Variants in THSD7B observed in about 807,000 individuals in gnomAD.
The protein encoded by THSD7B is thrombospondin type-1 domain-containing protein 7B.
A neutral mutation model predicts 213.6 loss-of-function variants in THSD7B; 138 were observed. The ratio of observed to expected loss-of-function variants is 0.65; its 90% CI spans 0.56 to 0.74. The LOEUF (loss-of-function observed/expected upper bound fraction) is 0.74, where lower values mean the gene tolerates loss of function less well. Ranked by LOEUF, THSD7B falls within the 30% of genes least tolerant of loss-of-function variation. The probability of loss-of-function intolerance (pLI) is 0.00; values close to 1 mark genes in which losing one functional copy is unlikely to be tolerated. For synonymous variants in THSD7B, 742 were observed against 687.0 expected, an observed-to-expected ratio of 1.08 and a Z score of -1.25; for missense variants, 1,931 against 1,991.5, an observed-to-expected ratio of 0.97 and a Z score of 0.58.
At chr2:137,435,544 A>G (rs1687273740) in intron 14 of THSD7B, among the ~76,000 whole-genome samples, 1 of 152,180 alleles carries the variant, frequency 6.6e-6, no homozygotes, top group East Asian at 1.9e-4. Context: ...GAAAATTAAC[A>G]GTTATCTTGA....
At chr2:137,169,012 A>AAACC (rs2104993136) in intron 6 of THSD7B, among the ~76,000 whole-genome samples, 1 of 151,936 alleles carries the variant, frequency 6.6e-6, no homozygotes, top group East Asian at 2.0e-4. Flanking sequence ...AGCACGGCAG[A>AAACC]AACCATTATT....
chr2:137,073,115 T>A (rs999311256), intron 3 of THSD7B, among the ~76,000 whole-genome samples: 2 of 152,194 alleles, frequency 1.3e-5, no homozygotes, highest in African/African-American at 4.8e-5. Flanking sequence ...GATGCTGGCC[T>A]CATAAAATGA....
At chr2:136,859,754 A>AT (rs1478902776) in intron 1 of THSD7B, among the ~76,000 whole-genome samples, 1 of 152,204 alleles carries the variant, frequency 6.6e-6, no homozygotes, top group East Asian at 1.9e-4. Flanking sequence ...GTTCTTTGGC[A>AT]TTTTTTAAAA....
intron 12 of THSD7B, among the ~76,000 whole-genome samples, chr2:137,305,760 C>G (rs1379692829): frequency 6.6e-5 from 10 of 152,022 alleles, no homozygotes; most frequent in South Asian, 2.1e-4. Context: ...AGGGATACTT[C>G]CTGGGAAATG....
intron 25 of THSD7B, among the ~76,000 whole-genome samples, chr2:137,661,284 A>G (rs570335173): frequency 3.7e-4 from 57 of 152,240 alleles, no homozygotes; most frequent in Non-Finnish European, 6.5e-4. Flanking sequence ...CTTAAAAATG[A>G]CCAGAAATTT....
At chr2:137,132,457 TGATAAGGCAAG>T (rs1408782932) in intron 5 of THSD7B, among the ~76,000 whole-genome samples, 1 of 152,162 alleles carries the variant, frequency 6.6e-6, no homozygotes, top group East Asian at 1.9e-4. Flanking sequence ...CCTTTCCTAC[TGATAAGGCAAG>T]GATACTTTCT....
chr2:137,652,178 TC>T (rs1191145697), intron 21 of THSD7B, among the ~76,000 whole-genome samples: 1 of 152,058 alleles, frequency 6.6e-6, no homozygotes, highest in East Asian at 1.9e-4. Context: ...TATTGAGATC[TC>T]TCTTTCTCTC....
At chr2:137,003,905 CATTTT>C in intron 2 of THSD7B, among the ~76,000 whole-genome samples, 6 of 152,248 alleles carry the variant, frequency 3.9e-5, no homozygotes, top group Admixed American at 3.9e-4. Flanking sequence ...GACTTTACCG[CATTTT>C]ATTTTTTCTA....
chr2:137,455,902 C>T (rs544560321), intron 15 of THSD7B, among the ~76,000 whole-genome samples: 52 of 152,170 alleles, frequency 3.4e-4, no homozygotes, highest in Non-Finnish European at 6.9e-4. Flanking sequence ...CCCTGTTGGA[C>T]TTACATTTCC....
intron 12 of THSD7B, among the ~76,000 whole-genome samples, chr2:137,395,480 T>G (rs1323831706): frequency 6.6e-6 from 1 of 150,648 alleles, no homozygotes; most frequent in East Asian, 2.0e-4. Context: ...GATTTGCATA[T>G]ATTGAACCAG....
intron 1 of THSD7B, among the ~76,000 whole-genome samples, chr2:136,768,195 A>T (rs577686459): frequency 6.6e-6 from 1 of 152,286 alleles, no homozygotes; most frequent in Admixed American, 6.5e-5. Flanking sequence ...CTTGCTACAG[A>T]TCCTATTTCT....
At chr2:136,815,882 T>C (rs946084595) in intron 1 of THSD7B, among the ~76,000 whole-genome samples, 4 of 152,120 alleles carry the variant, frequency 2.6e-5, no homozygotes, top group Admixed American at 2.6e-4. Flanking sequence ...TGTCAGAATT[T>C]TTTATTTTTA....
intron 10 of THSD7B, among the ~76,000 whole-genome samples, chr2:137,245,810 G>A (rs1682018427): frequency 6.6e-6 from 1 of 152,174 alleles, no homozygotes; most frequent in South Asian, 2.1e-4. Context: ...GTGTCCTTGA[G>A]AGTGTCCTTC....
intron 1 of THSD7B, among the ~76,000 whole-genome samples, chr2:136,853,130 C>G (rs1437997398): frequency 6.6e-6 from 1 of 152,058 alleles, no homozygotes; most frequent in Admixed American, 6.6e-5. Flanking sequence ...CAAGGACACT[C>G]TCTTATATTC....
chr2:137,631,957 G>A (rs1375010232), intron 20 of THSD7B, among the ~76,000 whole-genome samples: 1 of 152,080 alleles, frequency 6.6e-6, no homozygotes, highest in Non-Finnish European at 1.5e-5. Context: ...CTGATGCTAG[G>A]AGTATGTTAG....
At chr2:136,999,502 AT>A (rs1389074673) in intron 2 of THSD7B, among the ~76,000 whole-genome samples, 1 of 150,134 alleles carries the variant, frequency 6.7e-6, no homozygotes, top group Non-Finnish European at 1.5e-5. Context: ...ATTTTGACTT[AT>A]CCCTTTTGTG....
intron 10 of THSD7B, among the ~76,000 whole-genome samples, chr2:137,268,003 C>T (rs1427373051): frequency 2.0e-5 from 3 of 152,180 alleles, no homozygotes; most frequent in Admixed American, 6.5e-5. Flanking sequence ...GGGGCTGCCT[C>T]AGACTCTACT....
At chr2:137,320,169 C>G (rs1684230722) in intron 12 of THSD7B, among the ~76,000 whole-genome samples, 1 of 152,172 alleles carries the variant, frequency 6.6e-6, no homozygotes, top group Admixed American at 6.5e-5. Flanking sequence ...ATCTAGTTAA[C>G]TGATTAGACT....
At chr2:137,000,325 A>G (rs953026920) in intron 2 of THSD7B, among the ~76,000 whole-genome samples, 7 of 152,272 alleles carry the variant, frequency 4.6e-5, no homozygotes, top group African/African-American at 1.7e-4. Flanking sequence ...CCTATCACTC[A>G]GAGTTTAACT....
Sources: gnomAD v4.1 joint callset for allele counts (sites outside exome capture counted in the v4.1 genomes callset) on GRCh38, gnomAD v4.1.1 for gene constraint, MANE v1.5 for transcripts, NCBI Gene and HGNC (gene_info 2026-07-23, HGNC 2026-07-21) for gene names.